The following PXDNL variants were observed in gnomAD, a reference collection of about 807,000 sequenced individuals.
PXDNL encodes the protein peroxidasin like.
A neutral mutation model predicts 150.8 loss-of-function variants in PXDNL; 145 were observed. The ratio of observed to expected loss-of-function variants is 0.96; its 90% CI spans 0.84 to 1.10. PXDNL has a LOEUF of 1.10. PXDNL is among the 50% of genes least tolerant of loss of function. PXDNL has a pLI of 0.00. For missense variants in PXDNL, 2,087 were observed against 1,873.9 expected (o/e 1.11, Z -2.10); for synonymous variants, 757 against 725.7 (o/e 1.04, Z -0.69).
At chr8:51,402,803 C>T (rs920711544) in intron 17 of PXDNL, among the ~76,000 whole-genome samples, 7 of 152,004 alleles carry the variant, frequency 4.6e-5, no homozygotes, top group Non-Finnish European at 8.8e-5. Flanking sequence ...GTAATCACGC[C>T]TGTAATCCCA....
At position 51,409,286 on chromosome 8, in the gene PXDNL, G is replaced by A. The variant is rs773849646; in HGVS notation, c.2338C>T (p.Pro780Ser). Residue 780 changes from proline (P) to serine (S), a missense_variant, in exon 17 of 23, where the codon CCC becomes TCC. Coordinates refer to ENST00000356297, the MANE Select transcript of PXDNL (RefSeq NM_144651.5). ...GCCCACACTGTGGCGACCAGCCGGG[G>A]CGGCGGGAGGGGCTGGCGGGAGCCC... is the stretch of plus-strand genomic sequence containing the variant. ...PVGSRQPLPP[P>S]RLVATVWARA... 7.0e-6 allele frequency: 10 copies of A among 1,423,516 alleles called. No individual in the cohort carries two copies. Among genetic ancestry groups the A allele is most frequent in the South Asian group, 1.5e-5 (1 of 66,526 alleles). 88.2% of individuals were successfully genotyped at this position (1,423,516 alleles called of 1,614,324 possible).
chr8:51,427,859 G>A (rs910805200), intron 12 of PXDNL, among the ~76,000 whole-genome samples: 1 of 152,156 alleles, frequency 6.6e-6, no homozygotes, highest in African/African-American at 2.4e-5. Context: ...TCAACACAGT[G>A]CTGCAAGTTC....
Position 51,319,670 on chromosome 8 carries a change from A to G in PXDNL, c.*221T>C, listed in dbSNP as rs62508843. 2,877 of 311,860 alleles carry G rather than the reference A, an allele frequency of 9.2e-3. 23 individuals are homozygous for G. The highest frequency in any genetic ancestry group is 0.014 in the Non-Finnish European group (2,382 of 173,156). The allele number at this position is 311,860 out of a possible 1,614,324, so 19.3% of individuals were successfully genotyped here. On this transcript the variant is annotated 3_prime_UTR_variant, in exon 23 of 23. Transcript: ENST00000356297. Reference sequence around the variant, plus strand: ...TAAGAAATATTTCTTATGATCAAACACTTCATATGCACTTTATTGCTTTTA... The same window carrying G: ...TAAGAAATATTTCTTATGATCAAACGCTTCATATGCACTTTATTGCTTTTA...
intron 1 of PXDNL, among the ~76,000 whole-genome samples, chr8:51,719,106 T>C (rs895048000): frequency 4.6e-5 from 7 of 151,994 alleles, no homozygotes; most frequent in African/African-American, 1.7e-4. Context: ...CCGCCCCTTC[T>C]AGGAAGTGAG....
rs76716141 is a variant in PXDNL at position 51,652,270 on chromosome 8, A to G, written c.236+2419T>C. 8.4e-3 allele frequency among the ~76,000 whole-genome samples: 1,284 copies of G among 152,264 alleles called. 10 individuals carry two copies. The highest frequency in any genetic ancestry group is 0.014 in the Non-Finnish European group (924 of 68,034). On this transcript the variant is annotated intron_variant, in intron 2 of 22. Transcript: ENST00000356297. ...GTGTCCTTATTTCTTTTGCTTTTAC[A>G]ATAAATTAGTAAAGACCTTTGGATC...
intron 1 of PXDNL, among the ~76,000 whole-genome samples, chr8:51,766,334 T>C (rs1156568127): frequency 2.0e-5 from 3 of 151,920 alleles, no homozygotes; most frequent in African/African-American, 7.3e-5. Context: ...AACAGCATTT[T>C]GTCATTATTA....
At chr8:51,550,913 C>G (rs1179966557) in intron 4 of PXDNL, among the ~76,000 whole-genome samples, 2 of 151,952 alleles carry the variant, frequency 1.3e-5, no homozygotes, top group African/African-American at 4.8e-5. Flanking sequence ...ACCAGAAAAC[C>G]CTAAAGGCTC....
In PXDNL at chr8:51,792,337, G is replaced by A. The variant is rs374670328; in HGVS notation, c.164+16844C>T. On this transcript the variant is annotated intron_variant, in intron 1 of 22. Coordinates refer to ENST00000356297, the MANE Select transcript of PXDNL (RefSeq NM_144651.5). ...CTGGGAGCCACACAGGGCAAGGGGA[G>A]CTCCTACCCCCAGCCAAGAGATGTG... Among the ~76,000 whole-genome samples the A allele has an allele frequency of 1.1e-4, 16 of 152,276 alleles. 1 individual carries two copies. Among genetic ancestry groups the A allele is most frequent in the African/African-American group, 3.4e-4 (14 of 41,572 alleles).
At chr8:51,621,669 G>A (rs552731818) in intron 2 of PXDNL, among the ~76,000 whole-genome samples, 1 of 152,120 alleles carries the variant, frequency 6.6e-6, no homozygotes, top group Non-Finnish European at 1.5e-5. Context: ...GCCGAGTGTG[G>A]TGGCTCACAC....
chr8:51,324,809 A>C (rs1309719988), intron 21 of PXDNL, among the ~76,000 whole-genome samples: 1 of 152,168 alleles, frequency 6.6e-6, no homozygotes, highest in Non-Finnish European at 1.5e-5. Flanking sequence ...TACTTTGATG[A>C]AAATTTTCAT....
intron 17 of PXDNL, among the ~76,000 whole-genome samples, chr8:51,375,545 C>A (rs1435791253): frequency 6.6e-6 from 1 of 152,166 alleles, no homozygotes; most frequent in Non-Finnish European, 1.5e-5. Flanking sequence ...ATATAGTATT[C>A]ATACTTCCTT....
chr8:51,632,187 G>C (rs1410660967), intron 2 of PXDNL, among the ~76,000 whole-genome samples: 1 of 152,180 alleles, frequency 6.6e-6, no homozygotes, highest in East Asian at 1.9e-4. Context: ...TACAGTAATA[G>C]TTGGAGACTC....
Position 51,398,259 on chromosome 8 carries a change from T to A in PXDNL, c.3557+9808A>T, listed in dbSNP as rs1462470184. On this transcript the variant is annotated intron_variant, in intron 17 of 22. Coordinates refer to ENST00000356297, the MANE Select transcript of PXDNL (RefSeq NM_144651.5). ...GCACTAGAATCCCAGCACAGCAAGGTGCAGCTGCACTCGAGGCTGCCATCC... is the reference window on the plus strand; with the variant it reads ...GCACTAGAATCCCAGCACAGCAAGGAGCAGCTGCACTCGAGGCTGCCATCC... Among the ~76,000 whole-genome samples the A allele has an allele frequency of 2.0e-5, 3 of 152,122 alleles. No homozygotes were observed. The South Asian group carries it at 6.2e-4, about 31-fold the overall frequency.
intron 21 of PXDNL, among the ~76,000 whole-genome samples, chr8:51,325,539 C>A (rs1025430497): frequency 2.0e-5 from 3 of 152,144 alleles, no homozygotes. Context: ...TGACTTCTCC[C>A]GACATGGCCT....
In PXDNL at chr8:51,809,423, G is replaced by C; in HGVS notation, c.-79C>G. On this transcript the variant is annotated 5_prime_UTR_variant, in exon 1 of 23. Transcript: ENST00000356297. ...TGCAGCTGCAGCAGCAACCGCAGTG[G>C]TGGTGATGGTGGCTGCTGGACTGAG... 7.3e-7 allele frequency: 1 copy of C among 1,376,478 alleles called. No individual in the cohort carries two copies. The highest frequency in any genetic ancestry group is 2.8e-5 in the Admixed American group (1 of 35,900). The allele number at this position is 1,376,478 out of a possible 1,614,324, so 85.3% of individuals were successfully genotyped here.
At chr8:51,701,056 C>T (rs1339820455) in intron 1 of PXDNL, among the ~76,000 whole-genome samples, 3 of 151,796 alleles carry the variant, frequency 2.0e-5, no homozygotes, top group African/African-American at 7.3e-5. Context: ...AATTCTAATA[C>T]AATACTATCC....
chr8:51,411,912 G>A (rs1808662711), intron 15 of PXDNL, among the ~76,000 whole-genome samples: 1 of 152,052 alleles, frequency 6.6e-6, no homozygotes. Flanking sequence ...ATCTTCTCTA[G>A]TACTCCTGTA....
At chr8:51,635,587 C>T (rs1360663036) in intron 2 of PXDNL, among the ~76,000 whole-genome samples, 1 of 151,952 alleles carries the variant, frequency 6.6e-6, no homozygotes, top group Admixed American at 6.6e-5. Context: ...TGTACACCAA[C>T]AAATTAGATA....
chr8:51,344,868 A>C (rs1806096746), intron 20 of PXDNL, among the ~76,000 whole-genome samples: 1 of 152,186 alleles, frequency 6.6e-6, no homozygotes, highest in Non-Finnish European at 1.5e-5. Context: ...TATAACATGC[A>C]TAGTTATGAA....
Sources: allele counts gnomAD v4.1 joint callset (sites outside exome capture counted in the v4.1 genomes callset), GRCh38; gene constraint gnomAD v4.1.1; transcripts MANE v1.5; gene names NCBI Gene and HGNC (gene_info 2026-07-23, HGNC 2026-07-21).